The following CNTLN variants were observed in gnomAD, a reference collection of about 807,000 sequenced individuals.
CNTLN encodes centlein, also known as centlein, centrosomal protein.
A neutral mutation model predicts 180.0 loss-of-function variants in CNTLN; 212 were observed. The observed-to-expected ratio is 1.18, with a 90% CI of 1.05 to 1.32. The LOEUF (loss-of-function observed/expected upper bound fraction) is 1.32. Among genes scored for constraint, CNTLN ranks in the 40% most tolerant of loss-of-function variants. The probability of loss-of-function intolerance (pLI) is 0.00; values close to 1 mark genes in which losing one functional copy is unlikely to be tolerated. For missense variants in CNTLN, 2,095 were observed against 1,610.9 expected, an observed-to-expected ratio of 1.30 and a Z score of -5.14; for synonymous variants, 722 against 563.1, an observed-to-expected ratio of 1.28 and a Z score of -3.99.
At chr9:17,449,126 T>A (rs374831675) in intron 18 of CNTLN, among the ~76,000 whole-genome samples, 11 of 152,276 alleles carry the variant, frequency 7.2e-5, no homozygotes, top group African/African-American at 2.6e-4. Flanking sequence ...ATTGAGAAAT[T>A]ATGTTGGTAG....
chr9:17,236,553 A>G lies in CNTLN; in HGVS notation c.814A>G (p.Arg272Gly), dbSNP rs375690505. 3.1e-6 allele frequency: 5 copies of G among 1,613,100 alleles called. No homozygotes were observed. Among genetic ancestry groups the G allele is most frequent in the Non-Finnish European group, 3.4e-6 (4 of 1,179,588 alleles). ...ATTGAGGAAGCAGGAAGCACATTTGAGAAAAGAAAAATATAGCACTGATGC... is the reference window on the plus strand; with the variant it reads ...ATTGAGGAAGCAGGAAGCACATTTGGGAAAAGAAAAATATAGCACTGATGC... ...EKLRKQEAHLRKEKYSTDAKI... is the reference protein window; with the variant it reads ...EKLRKQEAHLGKEKYSTDAKI... Residue 272 changes from arginine to glycine, a missense_variant, in exon 5 of 26, where the codon AGA (arginine) becomes GGA (glycine). Transcript: ENST00000380647.
At position 17,155,381 on chromosome 9, in the gene CNTLN, C is replaced by T. The variant is rs541958724; in HGVS notation, c.449+12005C>T. On this transcript the variant is annotated intron_variant, in intron 2 of 25. Coordinates refer to ENST00000380647, the MANE Select transcript of CNTLN (RefSeq NM_017738.4). The stretch of plus-strand genomic sequence containing the variant: ...GCTGTGCTGGGAGGTCCGCTGCTCT[C>T]TTTAGAGCTGTCAGACAGGGATGTT... Among the ~76,000 whole-genome samples, 663 of 152,294 alleles carry T rather than the reference C, an allele frequency of 4.4e-3. 3 individuals carry two copies. The highest frequency in any genetic ancestry group is 7.2e-3 in the Non-Finnish European group (493 of 68,022).
intron 5 of CNTLN, among the ~76,000 whole-genome samples, chr9:17,271,637 A>G (rs116457187): frequency 0.021 from 3,227 of 152,204 alleles, 141 homozygotes; most frequent in African/African-American, 0.074. Flanking sequence ...ATCATGATGA[A>G]TGGATCCACC....
At position 17,316,306 on chromosome 9, in the gene CNTLN, C is replaced by T. The variant is rs76082571; in HGVS notation, c.1341+7054C>T. ...TGTTGTATCGTTTTCCATACTTTTA[C>T]ATTCAATATATGTGCCTTTTAATCT... On this transcript the variant is annotated intron_variant, in intron 8 of 25. Coordinates refer to ENST00000380647, the MANE Select transcript of CNTLN (RefSeq NM_017738.4). Among the ~76,000 whole-genome samples the T allele has an allele frequency of 7.5e-3, 1,140 of 152,104 alleles. 26 individuals carry two copies. The highest frequency in any genetic ancestry group is 0.052 in the East Asian group (271 of 5,164).
intron 2 of CNTLN, among the ~76,000 whole-genome samples, chr9:17,221,853 A>G (rs1345564700): frequency 5.3e-5 from 8 of 151,814 alleles, no homozygotes; most frequent in Non-Finnish European, 8.8e-5. Flanking sequence ...GAAAGTGGAA[A>G]CTCTTAGAAG....
At chr9:17,228,075 G>A (rs1361224363) in intron 3 of CNTLN, among the ~76,000 whole-genome samples, 3 of 151,908 alleles carry the variant, frequency 2.0e-5, no homozygotes, top group East Asian at 1.9e-4. Context: ...CAAGTTTAGC[G>A]GTCCCTTCCT....
At position 17,334,345 on chromosome 9, in the gene CNTLN, C is replaced by T. The variant is rs1181753294; in HGVS notation, c.1644+1615C>T. On this transcript the variant is annotated intron_variant, in intron 10 of 25. Coordinates refer to ENST00000380647, the MANE Select transcript of CNTLN (RefSeq NM_017738.4). ...AAAGTGCTGGGATTACAGGCGCGAG[C>T]CGCTGCTCCTGGCCCTTTTGCATAA... is the stretch of plus-strand genomic sequence containing the variant. 3.3e-5 allele frequency among the ~76,000 whole-genome samples: 5 copies of T among 152,098 alleles called. No homozygotes were observed. In the East Asian group the frequency reaches 5.8e-4, roughly 18 times the overall value.
intron 18 of CNTLN, among the ~76,000 whole-genome samples, chr9:17,434,753 T>C (rs553163521): frequency 6.6e-6 from 1 of 152,052 alleles, no homozygotes; most frequent in East Asian, 1.9e-4. Context: ...AGTTATGTAC[T>C]TTTTTTTAAG....
At chr9:17,206,799 C>G (rs1004973266) in intron 2 of CNTLN, among the ~76,000 whole-genome samples, 1 of 152,350 alleles carries the variant, frequency 6.6e-6, no homozygotes, top group East Asian at 1.9e-4. Context: ...GGAGAAATCT[C>G]TGTTTCAATC....
chr9:17,518,835 A>C, the CNTLN span, among the ~76,000 whole-genome samples: 5 of 152,174 alleles, frequency 3.3e-5, no homozygotes, highest in African/African-American at 9.7e-5. Flanking sequence ...CTGGGACCCC[A>C]AGTGAGAGTG....
At chr9:17,262,656 A>G (rs898744953) in intron 5 of CNTLN, among the ~76,000 whole-genome samples, 2 of 151,398 alleles carry the variant, frequency 1.3e-5, no homozygotes, top group African/African-American at 2.5e-5. Context: ...TGATGGGTTG[A>G]TGAGTGCAGC....
chr9:17,483,753 C>T (rs558177716), intron 23 of CNTLN, among the ~76,000 whole-genome samples: 1 of 152,252 alleles, frequency 6.6e-6, no homozygotes, highest in East Asian at 1.9e-4. Context: ...TGTTGTCTTG[C>T]CCACTCATAA....
intron 13 of CNTLN, among the ~76,000 whole-genome samples, chr9:17,375,941 G>A (rs1280370045): frequency 6.6e-6 from 1 of 152,116 alleles, no homozygotes; most frequent in Non-Finnish European, 1.5e-5. Flanking sequence ...TGTTTAACCT[G>A]CTACATTCTA....
At chr9:17,292,243 T>C (rs1829465581) in intron 6 of CNTLN, among the ~76,000 whole-genome samples, 1 of 152,132 alleles carries the variant, frequency 6.6e-6, no homozygotes, top group Middle Eastern at 3.2e-3. Flanking sequence ...TTTTTTTCCC[T>C]TCATTTTGAC....
chr9:17,439,960 T>C (rs1365728872), intron 18 of CNTLN, among the ~76,000 whole-genome samples: 1 of 152,184 alleles, frequency 6.6e-6, no homozygotes, highest in Non-Finnish European at 1.5e-5. Flanking sequence ...ATGCAGTCTA[T>C]GATAATTTAT....
At chr9:17,373,326 C>A (rs1490836945) in intron 13 of CNTLN, among the ~76,000 whole-genome samples, 2 of 152,046 alleles carry the variant, frequency 1.3e-5, no homozygotes, top group Non-Finnish European at 2.9e-5. Context: ...TTTCTATATG[C>A]CAACAGCAAA....
chr9:17,269,387 C>G (rs1195179099), intron 5 of CNTLN, among the ~76,000 whole-genome samples: 1 of 152,110 alleles, frequency 6.6e-6, no homozygotes, highest in Non-Finnish European at 1.5e-5. Flanking sequence ...TAATGTACTA[C>G]ATACTTAACA....
At chr9:17,517,158 G>A in the CNTLN span, among the ~76,000 whole-genome samples, 38 of 152,134 alleles carry the variant, frequency 2.5e-4, no homozygotes, top group African/African-American at 7.9e-4. Flanking sequence ...TTGGGAGGCC[G>A]AGACGGGTGG....
chr9:17,511,081 A>G, the CNTLN span, among the ~76,000 whole-genome samples: 17 of 152,158 alleles, frequency 1.1e-4, no homozygotes, highest in African/African-American at 4.1e-4. Flanking sequence ...TATGTAGTAG[A>G]GATATTTTTC....
Sources: allele counts gnomAD v4.1 joint callset (sites outside exome capture counted in the v4.1 genomes callset), GRCh38; gene constraint gnomAD v4.1.1; transcripts MANE v1.5; gene names NCBI Gene and HGNC (gene_info 2026-07-23, HGNC 2026-07-21).